Variants in CPEB3 observed in about 807,000 individuals in gnomAD.
CPEB3 encodes cytoplasmic polyadenylation element-binding protein 3.
A neutral mutation model predicts 67.2 loss-of-function variants in CPEB3; 20 were observed. The ratio of observed to expected loss-of-function variants is 0.30; its 90% CI spans 0.21 to 0.43. The LOEUF (loss-of-function observed/expected upper bound fraction) is 0.43, where lower values mean the gene tolerates loss of function less well. CPEB3 is among the 20% of genes least tolerant of loss of function. The probability of loss-of-function intolerance (pLI) is 1.00; values close to 1 mark genes in which losing one functional copy is unlikely to be tolerated. For missense variants in CPEB3, 746 were observed against 968.6 expected, an observed-to-expected ratio of 0.77 and a Z score of 3.05; for synonymous variants, 376 against 393.1, an observed-to-expected ratio of 0.96 and a Z score of 0.51.
At chr10:92,253,463 CAAAAAAAA>C (rs370091703) in intron 1 of CPEB3, among the ~76,000 whole-genome samples, 2 of 76,852 alleles carry the variant, frequency 2.6e-5, no homozygotes, top group African/African-American at 4.5e-5. Context: ...TGTCTCAAAA[CAAAAAAAA>C]AAAAAAAAAA....
In CPEB3 at chr10:92,239,914, A is replaced by C; in HGVS notation, c.437T>G (p.Val146Gly). ...CTGCGGGGAGAAAGTGCCTCCGAAGACTGGGTTGACATGGTGCGGGAAGTT... is the reference window on the plus strand; with the variant it reads ...CTGCGGGGAGAAAGTGCCTCCGAAGCCTGGGTTGACATGGTGCGGGAAGTT... ...FQNFPHHVNP[V>G]FGGTFSPQIG... The change falls in exon 2 of 10, where the codon GTC (valine) becomes GGC (glycine). Residue 146 changes from valine (V) to glycine (G), a missense_variant. Physicochemically the swap from Val to Gly is moderately radical, Grantham distance 109. Transcript: ENST00000265997. The surrounding 1 kb of genome is among the most constrained non-coding windows in gnomAD (Gnocchi z 6.0). 6.2e-7 allele frequency: 1 copy of C among 1,612,720 alleles called. No homozygotes were observed. The highest frequency in any genetic ancestry group is 8.5e-7 in the Non-Finnish European group (1 of 1,179,450).
At chr10:92,289,669 C>A (rs1208867884) in intron 1 of CPEB3, among the ~76,000 whole-genome samples, 14 of 130,494 alleles carry the variant, frequency 1.1e-4, no homozygotes, top group Non-Finnish European at 2.1e-4. Flanking sequence ...CGCTTGAGCC[C>A]AGGAGTTGCA....
chr10:92,148,773 G>T (rs902435193), intron 4 of CPEB3, among the ~76,000 whole-genome samples: 1 of 152,302 alleles, frequency 6.6e-6, no homozygotes, highest in East Asian at 1.9e-4. Flanking sequence ...GAATGGCAGA[G>T]ATGTAACCAT....
intron 7 of CPEB3, 78 bp from the exon 8 acceptor site, chr10:92,092,022 C>T: frequency 1.1e-6 from 1 of 873,860 alleles, no homozygotes; most frequent in East Asian, 2.4e-5. Context: ...AAAGACAAAC[C>T]CACTGATTTG....
intron 1 of CPEB3, among the ~76,000 whole-genome samples, chr10:92,248,213 A>G (rs1852148366): frequency 6.6e-6 from 1 of 152,192 alleles, no homozygotes; most frequent in East Asian, 1.9e-4. Context: ...AATCATCTCT[A>G]GGTTACTTAT....
intron 7 of CPEB3, among the ~76,000 whole-genome samples, chr10:92,097,037 C>T (rs1394316620): frequency 6.6e-6 from 1 of 152,174 alleles, no homozygotes; most frequent in Non-Finnish European, 1.5e-5. Context: ...AGGGGTCACA[C>T]AAACTCAAAT....
intron 4 of CPEB3, among the ~76,000 whole-genome samples, chr10:92,174,922 T>C (rs1298808485): frequency 6.6e-6 from 1 of 152,206 alleles, no homozygotes; most frequent in East Asian, 1.9e-4. Flanking sequence ...CTATGCTTCC[T>C]ACTTCCCAAA....
At chr10:92,289,816 T>C (rs1842751636) in intron 1 of CPEB3, among the ~76,000 whole-genome samples, 2 of 140,278 alleles carry the variant, frequency 1.4e-5, no homozygotes, top group South Asian at 2.2e-4. Flanking sequence ...TTATATATTA[T>C]ATAATACATA....
At chr10:92,227,835 C>T (rs1851059212) in intron 2 of CPEB3, among the ~76,000 whole-genome samples, 1 of 151,986 alleles carries the variant, frequency 6.6e-6, no homozygotes, top group Non-Finnish European at 1.5e-5. Flanking sequence ...TCGTGATCCA[C>T]CCGCCTTGGC....
intron 1 of CPEB3, among the ~76,000 whole-genome samples, chr10:92,287,236 C>A (rs1329075787): frequency 2.6e-5 from 4 of 151,812 alleles, no homozygotes; most frequent in Non-Finnish European, 5.9e-5. Context: ...TCAAGCGATT[C>A]TCCTATCTCA....
At chr10:92,267,290 C>A (rs1232809027) in intron 1 of CPEB3, among the ~76,000 whole-genome samples, 1 of 152,038 alleles carries the variant, frequency 6.6e-6, no homozygotes, top group East Asian at 1.9e-4. Context: ...TTTTACAACC[C>A]TTTAAAAATA....
chr10:92,246,777 G>C (rs1224589838), intron 1 of CPEB3, among the ~76,000 whole-genome samples: 3 of 152,022 alleles, frequency 2.0e-5, no homozygotes, highest in African/African-American at 7.2e-5. Context: ...CAAAGTGCTG[G>C]GATTACAGGC....
chr10:92,053,220 T>C (rs1284782221), intron 9 of CPEB3, among the ~76,000 whole-genome samples: 6 of 152,220 alleles, frequency 3.9e-5, no homozygotes, highest in Non-Finnish European at 8.8e-5. Context: ...CTTTTCATCA[T>C]AGCCCTTTAG....
At chr10:92,070,181 T>C (rs1842701553) in intron 9 of CPEB3, among the ~76,000 whole-genome samples, 1 of 152,218 alleles carries the variant, frequency 6.6e-6, no homozygotes, top group Non-Finnish European at 1.5e-5. Flanking sequence ...GACACATTTT[T>C]CCATGATCGA....
At chr10:92,175,473 T>A (rs543017013) in intron 4 of CPEB3, among the ~76,000 whole-genome samples, 1 of 152,168 alleles carries the variant, frequency 6.6e-6, no homozygotes, top group Non-Finnish European at 1.5e-5. Context: ...AACTCCCGCA[T>A]CATATGATAG....
intron 9 of CPEB3, among the ~76,000 whole-genome samples, chr10:92,072,242 C>T (rs1486685154): frequency 1.3e-5 from 2 of 152,144 alleles, no homozygotes; most frequent in East Asian, 1.9e-4. Flanking sequence ...TGACTAACAT[C>T]CAACCAGAAT....
intron 4 of CPEB3, among the ~76,000 whole-genome samples, chr10:92,180,127 A>G (rs1258071299): frequency 6.7e-6 from 1 of 148,380 alleles, no homozygotes; most frequent in East Asian, 1.9e-4. Flanking sequence ...ATCCATTGAC[A>G]CTAGGAAGGA....
intron 4 of CPEB3, among the ~76,000 whole-genome samples, chr10:92,157,493 T>C (rs968759763): frequency 5.9e-5 from 9 of 152,208 alleles, no homozygotes; most frequent in Non-Finnish European, 1.2e-4. Context: ...GCAAGTTTTA[T>C]GGGGACTAAA....
chr10:92,139,649 C>T (rs1590222715), intron 6 of CPEB3, among the ~76,000 whole-genome samples: 2 of 152,030 alleles, frequency 1.3e-5, no homozygotes, highest in African/African-American at 2.4e-5. Context: ...CTACAATCAA[C>T]AATAATCTAC....
Sources: allele counts gnomAD v4.1 joint callset (sites outside exome capture counted in the v4.1 genomes callset), GRCh38; gene constraint gnomAD v4.1.1; non-coding constraint Gnocchi (gnomAD v3.1); transcripts MANE v1.5; gene names NCBI Gene and HGNC (gene_info 2026-07-23, HGNC 2026-07-21).